Variants in TENM2 observed in about 807,000 individuals in gnomAD.
The protein encoded by TENM2 is teneurin-2.
A neutral mutation model predicts 245.2 loss-of-function variants in TENM2; 52 were observed. The ratio of observed to expected loss-of-function variants is 0.21; its 90% confidence interval spans 0.17 to 0.27. TENM2 has a LOEUF of 0.27. Ranked by LOEUF, TENM2 falls within the 10% of genes least tolerant of loss-of-function variation. The pLI is 1.00. For synonymous variants in TENM2, 1,363 were observed against 1,438.9 expected (o/e 0.95, Z 1.19); for missense variants, 3,046 against 3,666.8 (o/e 0.83, Z 4.37).
chr5:167,974,021 GAGGA>G (rs1242975242), intron 4 of TENM2, among the ~76,000 whole-genome samples: 9 of 64,240 alleles, frequency 1.4e-4, no homozygotes, highest in African/African-American at 2.0e-4. Context: ...GGGAGGGAGG[GAGGA>G]AGGAAGGAAG....
chr5:167,690,009 T>C (rs762998263), intron 2 of TENM2, among the ~76,000 whole-genome samples: 3 of 151,622 alleles, frequency 2.0e-5, no homozygotes, highest in Admixed American at 6.6e-5. Flanking sequence ...TGGTTTGCCA[T>C]AATTTTGGGC....
At chr5:168,180,650 C>G (rs1158640498) in intron 13 of TENM2, among the ~76,000 whole-genome samples, 1 of 152,220 alleles carries the variant, frequency 6.6e-6, no homozygotes, top group Non-Finnish European at 1.5e-5. Context: ...CATCCCAGCA[C>G]TTTGGGAGGC....
intron 10 of TENM2, among the ~76,000 whole-genome samples, chr5:168,119,773 G>A (rs1795342876): frequency 6.6e-6 from 1 of 152,118 alleles, no homozygotes; most frequent in Non-Finnish European, 1.5e-5. Flanking sequence ...AGAAATAGAA[G>A]TGTCAACTTG....
At chr5:168,228,050 A>C (rs771622231) in exon 25 of TENM2, 20 of 1,613,766 alleles carry the variant, frequency 1.2e-5, no homozygotes, top group Non-Finnish European at 1.6e-5. Context: ...GCCTATGGAG[A>C]ATGGCTTAAA....
intron 2 of TENM2, among the ~76,000 whole-genome samples, chr5:167,596,984 G>A (rs1459632217): frequency 6.6e-6 from 1 of 151,922 alleles, no homozygotes; most frequent in Non-Finnish European, 1.5e-5. Flanking sequence ...TCAGAGCCTG[G>A]CTTTTCTAAA....
intron 3 of TENM2, among the ~76,000 whole-genome samples, chr5:167,894,969 GGAAGGAAGGA>G (rs1775076831): frequency 7.5e-6 from 1 of 133,142 alleles, no homozygotes; most frequent in Non-Finnish European, 1.6e-5. Flanking sequence ...AAGGAAGGAA[GGAAGGAAGGA>G]AGGAAGGAAG....
intron 3 of TENM2, among the ~76,000 whole-genome samples, chr5:167,876,970 A>G (rs1004766147): frequency 6.6e-4 from 100 of 152,304 alleles, no homozygotes; most frequent in Admixed American, 1.6e-3. Context: ...AGCGATAATC[A>G]TGCCTTATTT....
At chr5:167,213,024 T>C in the TENM2 span, among the ~76,000 whole-genome samples, 1 of 152,178 alleles carries the variant, frequency 6.6e-6, no homozygotes, top group African/African-American at 2.4e-5. Flanking sequence ...CAAGTGAAAA[T>C]GGATATTTAC....
At chr5:167,026,637 A>G in the TENM2 span, among the ~76,000 whole-genome samples, 2 of 152,238 alleles carry the variant, frequency 1.3e-5, no homozygotes, top group African/African-American at 4.8e-5. Flanking sequence ...TAAGGTCTTT[A>G]GCATGCGCAA....
In TENM2 at chr5:167,655,618, T is replaced by C. The variant is rs77161147; in HGVS notation, c.503-220368T>C. Reference sequence around the variant, plus strand: ...TGCTGTATCAGTCACATCACATTTGTTCAAATTTGGGAAGCATGAAGCTTC... The same window carrying C: ...TGCTGTATCAGTCACATCACATTTGCTCAAATTTGGGAAGCATGAAGCTTC... On this transcript the variant is annotated intron_variant, in intron 2 of 28. Coordinates refer to ENST00000518659, the Ensembl canonical transcript of TENM2. Among the ~76,000 whole-genome samples, 530 of 152,336 alleles carry C rather than the reference T, an allele frequency of 3.5e-3. 4 individuals are homozygous for C. Among genetic ancestry groups the C allele is most frequent in the African/African-American group, 0.012 (514 of 41,586 alleles).
rs1008248528 is a variant in TENM2, at chr5:168,148,757, G to A, written c.2423-13854G>A. ...AGTGCCATAAAACAATATAAAATAC[G>A]GGCTCCTCTATGAGGTCGTTTGACA... On this transcript the variant is annotated intron_variant, in intron 12 of 28. Transcript: ENST00000518659. Among the ~76,000 whole-genome samples the A allele has an allele frequency of 2.0e-5, 3 of 151,974 alleles. 1 individual carries two copies. Among genetic ancestry groups the A allele is most frequent in the Non-Finnish European group, 4.4e-5 (3 of 68,012 alleles).
intron 2 of TENM2, among the ~76,000 whole-genome samples, chr5:167,415,009 T>G (rs1167157125): frequency 6.6e-6 from 1 of 152,156 alleles, no homozygotes; most frequent in African/African-American, 2.4e-5. Context: ...GCTTCAAGAC[T>G]TTGGTGAGAA....
chr5:167,343,381 T>A (rs1247314415), intron 1 of TENM2, among the ~76,000 whole-genome samples: 2 of 152,202 alleles, frequency 1.3e-5, no homozygotes, highest in Non-Finnish European at 2.9e-5. Context: ...TATGTCCCAT[T>A]TTCTGTTTGA....
At chr5:167,578,360 T>C (rs747164985) in intron 2 of TENM2, among the ~76,000 whole-genome samples, 2 of 152,230 alleles carry the variant, frequency 1.3e-5, no homozygotes, top group African/African-American at 2.4e-5. Flanking sequence ...TGCATTAGCC[T>C]AGACTTCAGC....
At chr5:167,669,789 C>T (rs1393704305) in intron 2 of TENM2, among the ~76,000 whole-genome samples, 1 of 151,612 alleles carries the variant, frequency 6.6e-6, no homozygotes, top group African/African-American at 2.4e-5. Flanking sequence ...CTTTCTTAGA[C>T]AAACCGTGGT....
chr5:168,191,340 T>C (rs1760938247), intron 14 of TENM2, among the ~76,000 whole-genome samples: 1 of 152,134 alleles, frequency 6.6e-6, no homozygotes, highest in African/African-American at 2.4e-5. Context: ...ATGCACTACG[T>C]ATGATTCTGA....
chr5:167,078,650 A>G, the TENM2 span, among the ~76,000 whole-genome samples: 1 of 152,220 alleles, frequency 6.6e-6, no homozygotes, highest in Non-Finnish European at 1.5e-5. Context: ...AAAATTAGCG[A>G]ATACAGAACT....
chr5:167,502,458 C>T (rs1769273613), intron 2 of TENM2, among the ~76,000 whole-genome samples: 1 of 152,138 alleles, frequency 6.6e-6, no homozygotes, highest in African/African-American at 2.4e-5. Context: ...TTATTTGCCT[C>T]ATTTTCTTTA....
At chr5:167,206,326 C>T in the TENM2 span, among the ~76,000 whole-genome samples, 3 of 152,218 alleles carry the variant, frequency 2.0e-5, no homozygotes, top group Middle Eastern at 3.4e-3. Context: ...TTTATTATTT[C>T]TCTCCCTGCC....
Sources: allele counts gnomAD v4.1 joint callset (sites outside exome capture counted in the v4.1 genomes callset), GRCh38; gene constraint gnomAD v4.1.1; transcripts MANE v1.5; gene names NCBI Gene and HGNC (gene_info 2026-07-23, HGNC 2026-07-21).